MYO3B: variants seen among roughly 807,000 people sequenced by gnomAD.
MYO3B encodes myosin IIIB, also known as myosin-IIIb.
In MYO3B, 156 loss-of-function variants were observed where a neutral mutation model predicts 174.6. The ratio of observed to expected loss-of-function variants is 0.89; its 90% CI spans 0.78 to 1.02. The LOEUF (loss-of-function observed/expected upper bound fraction) is 1.02. Among genes scored for constraint, MYO3B ranks in the 50% least tolerant of loss-of-function variants. MYO3B has a pLI of 0.00. For missense variants in MYO3B, 1,632 were observed against 1,639.4 expected (o/e 1.00, Z 0.08); for synonymous variants, 563 against 569.1 (o/e 0.99, Z 0.15).
rs2094807986 is a variant in MYO3B at position 170,442,492 on chromosome 2, G to A, written c.2651-1475G>A. On this transcript the variant is annotated intron_variant, in intron 22 of 34. Coordinates refer to ENST00000408978, the MANE Select transcript of MYO3B (RefSeq NM_138995.5). ...CCCTCTTCTTGTTATTTAGTAGGAG[G>A]TGTTCTTTTTTTTTTTTTTTTTTAA... Among the ~76,000 whole-genome samples, 4 of 113,548 alleles carry A rather than the reference G, an allele frequency of 3.5e-5. No individual in the cohort carries two copies. The South Asian group carries it at 1.1e-3, about 32-fold the overall frequency. The allele number at this position is 113,548 out of a possible 152,430, so 74.5% of individuals were successfully genotyped here.
At chr2:170,467,239 A>G (rs1008218223) in intron 25 of MYO3B, among the ~76,000 whole-genome samples, 1 of 152,198 alleles carries the variant, frequency 6.6e-6, no homozygotes, top group Non-Finnish European at 1.5e-5. Context: ...AAGGTGAGAA[A>G]ACTTGGGTAT....
In MYO3B at chr2:170,508,211, T is replaced by C. The variant is rs528763142; in HGVS notation, c.3370+6346T>C. Among the ~76,000 whole-genome samples the C allele has an allele frequency of 7.2e-5, 11 of 152,326 alleles. No individual in the cohort carries two copies. The South Asian group carries it at 2.1e-3, about 29-fold the overall frequency. Reference sequence around the variant, plus strand: ...AATCAGTTTTCTCCATTATGAACCTTGTTTAGCATTCCAGAGTCTAGCTGC... The same window carrying C: ...AATCAGTTTTCTCCATTATGAACCTCGTTTAGCATTCCAGAGTCTAGCTGC... On this transcript the variant is annotated intron_variant, in intron 28 of 34. Coordinates refer to ENST00000408978, the MANE Select transcript of MYO3B (RefSeq NM_138995.5).
intron 25 of MYO3B, among the ~76,000 whole-genome samples, chr2:170,482,938 TA>T (rs1467297706): frequency 6.6e-6 from 1 of 152,268 alleles, no homozygotes; most frequent in Non-Finnish European, 1.5e-5. Context: ...CTTAGTTGCC[TA>T]AGGCAATTGG....
chr2:170,438,219 G>A (rs951892169), intron 22 of MYO3B, among the ~76,000 whole-genome samples: 14 of 152,028 alleles, frequency 9.2e-5, no homozygotes, highest in Admixed American at 3.9e-4. Context: ...TTAGCCTAAC[G>A]TCCTCCAGGT....
chr2:170,417,975 G>A (rs900087377), intron 22 of MYO3B, among the ~76,000 whole-genome samples: 1 of 152,198 alleles, frequency 6.6e-6, no homozygotes, highest in Non-Finnish European at 1.5e-5. Flanking sequence ...GATTGGGAGA[G>A]CTTAAGGTAC....
At chr2:170,381,158 A>G (rs2094332452) in intron 9 of MYO3B, among the ~76,000 whole-genome samples, 1 of 151,816 alleles carries the variant, frequency 6.6e-6, no homozygotes, top group African/African-American at 2.4e-5. Flanking sequence ...TTTAAAAACA[A>G]CAACCCCCCC....
intron 7 of MYO3B, among the ~76,000 whole-genome samples, chr2:170,264,216 C>G (rs907140082): frequency 2.6e-5 from 4 of 152,202 alleles, no homozygotes; most frequent in African/African-American, 9.7e-5. Flanking sequence ...TACATAGACA[C>G]AGTAACAGTC....
intron 8 of MYO3B, among the ~76,000 whole-genome samples, chr2:170,340,942 C>T (rs563892393): frequency 2.6e-4 from 40 of 152,208 alleles, no homozygotes; most frequent in Non-Finnish European, 4.6e-4. Context: ...TTTCTCATTT[C>T]TCGGAGTGAG....
chr2:170,356,288 G>T (rs2094120427), intron 8 of MYO3B, among the ~76,000 whole-genome samples: 1 of 151,920 alleles, frequency 6.6e-6, no homozygotes. Context: ...ATTGAAGAGT[G>T]TCATAAGAAA....
chr2:170,202,900 A>G (rs1026472095), intron 3 of MYO3B, among the ~76,000 whole-genome samples: 2 of 152,236 alleles, frequency 1.3e-5, no homozygotes, highest in Non-Finnish European at 2.9e-5. Context: ...TATTCCACAG[A>G]GCAATTCTAG....
At chr2:170,647,015 G>C in intron 32 of MYO3B, 1 of 883,880 alleles carries the variant, frequency 1.1e-6, no homozygotes, top group Non-Finnish European at 1.7e-6. Flanking sequence ...CCATCATATG[G>C]AACGTTTTAC....
At chr2:170,184,599 T>G (rs763301340) in intron 1 of MYO3B, among the ~76,000 whole-genome samples, 1 of 152,190 alleles carries the variant, frequency 6.6e-6, no homozygotes, top group Non-Finnish European at 1.5e-5. Flanking sequence ...TGATGAACAC[T>G]TAGGTTGCTT....
chr2:170,349,166 C>A (rs114481888), intron 8 of MYO3B, among the ~76,000 whole-genome samples: 2,748 of 152,290 alleles, frequency 0.018, 34 homozygotes, highest in Non-Finnish European at 0.031. Flanking sequence ...CCTCCAAACT[C>A]CCTGCACATT....
chr2:170,370,685 C>T (rs2094235927), intron 9 of MYO3B, among the ~76,000 whole-genome samples: 1 of 147,344 alleles, frequency 6.8e-6, no homozygotes, highest in Non-Finnish European at 1.5e-5. Flanking sequence ...AGCACCACCA[C>T]CACCAAAAAT....
intron 3 of MYO3B, among the ~76,000 whole-genome samples, chr2:170,204,575 C>T (rs148370914): frequency 7.2e-4 from 109 of 152,216 alleles, no homozygotes; most frequent in African/African-American, 2.4e-3. Flanking sequence ...TATTCAATGA[C>T]GTTTTGGAAA....
intron 8 of MYO3B, among the ~76,000 whole-genome samples, chr2:170,337,502 A>G (rs370594202): frequency 3.9e-5 from 6 of 152,316 alleles, no homozygotes; most frequent in African/African-American, 1.4e-4. Context: ...TATGTTCGTA[A>G]TCATAAACTA....
intron 28 of MYO3B, among the ~76,000 whole-genome samples, chr2:170,511,203 G>A (rs933377845): frequency 1.3e-5 from 2 of 151,806 alleles, no homozygotes; most frequent in Admixed American, 6.6e-5. Context: ...GGGACTACAG[G>A]CGCCCGCCAC....
chr2:170,390,777 C>G (rs1165971743), intron 14 of MYO3B, among the ~76,000 whole-genome samples: 1 of 152,130 alleles, frequency 6.6e-6, no homozygotes, highest in Non-Finnish European at 1.5e-5. Flanking sequence ...TAAAAAAAAT[C>G]TCCAACCCAT....
At chr2:170,432,790 T>C (rs1280848223) in intron 22 of MYO3B, among the ~76,000 whole-genome samples, 2 of 152,022 alleles carry the variant, frequency 1.3e-5, no homozygotes, top group African/African-American at 4.8e-5. Flanking sequence ...TTAGCCAGGA[T>C]GGTCTCGATC....
Sources: gnomAD v4.1 joint callset for allele counts (sites outside exome capture counted in the v4.1 genomes callset) on GRCh38, gnomAD v4.1.1 for gene constraint, MANE v1.5 for transcripts, NCBI Gene and HGNC (gene_info 2026-07-23, HGNC 2026-07-21) for gene names.